Variants in SEPTIN9 observed in about 807,000 individuals in gnomAD.
The protein encoded by SEPTIN9 is septin 9.
Under a neutral mutation model 56.6 loss-of-function variants are expected in SEPTIN9, and 13 were observed. That is an observed-to-expected ratio of 0.23 (90% confidence interval 0.15 to 0.37). The LOEUF (loss-of-function observed/expected upper bound fraction) is 0.37. SEPTIN9 is among the 10% of genes least tolerant of loss of function. The pLI, the probability that SEPTIN9 is intolerant of heterozygous loss-of-function variation, is 1.00. For missense variants in SEPTIN9, 650 were observed against 823.1 expected (o/e 0.79, Z 2.57); for synonymous variants, 332 against 334.1 (o/e 0.99, Z 0.07).
chr17:77,343,059 C>A (rs2033789707), intron 2 of SEPTIN9, among the ~76,000 whole-genome samples: 1 of 143,646 alleles, frequency 7.0e-6, no homozygotes, highest in Non-Finnish European at 1.5e-5. Context: ...TGTCCCCCAA[C>A]TTTGTTTGGC....
chr17:77,304,577 A>G (rs2143581462), intron 1 of SEPTIN9, among the ~76,000 whole-genome samples: 1 of 152,118 alleles, frequency 6.6e-6, no homozygotes, highest in East Asian at 1.9e-4. Flanking sequence ...GGAGGAGGAT[A>G]GGGCAGCCTT....
Position 77,498,604 on chromosome 17 carries a change from C to T in SEPTIN9, c.1707C>T (p.Ser569=), listed in dbSNP as rs1598484143. The T allele has an allele frequency of 6.2e-7, 1 of 1,610,086 alleles. No homozygotes were observed. Reference sequence around the variant, plus strand: ...GTGTGAAGCGCCTCAACGAGGGCAGCAGCGCCATGGCCAACGGCATGGAGG... The same window carrying T: ...GTGTGAAGCGCCTCAACGAGGGCAGTAGCGCCATGGCCAACGGCATGGAGG... ...AYRVKRLNEG[S]SAMANGMEEK... The change falls in exon 12 of 12, where the codon AGC becomes AGT. Residue 569 remains serine (S), a synonymous_variant. Coordinates refer to ENST00000427177, the MANE Select transcript of SEPTIN9 (RefSeq NM_001113491.2).
At position 77,326,647 on chromosome 17, in the gene SEPTIN9, C is replaced by T. The variant is rs994947138; in HGVS notation, c.76+19450C>T. On this transcript the variant is annotated intron_variant, in intron 2 of 11. Coordinates refer to ENST00000427177, the MANE Select transcript of SEPTIN9 (RefSeq NM_001113491.2). The surrounding 1 kb of genome is among the most constrained non-coding windows in gnomAD (Gnocchi z 5.1). ...CTTGGTTTTCATCTCCATTTCCTGGCACACAACTCCTAAAATCCTTGGAAT... is the reference window on the plus strand; with the variant it reads ...CTTGGTTTTCATCTCCATTTCCTGGTACACAACTCCTAAAATCCTTGGAAT... 3.3e-5 allele frequency among the ~76,000 whole-genome samples: 5 copies of T among 152,184 alleles called. No individual in the cohort carries two copies. The highest frequency in any genetic ancestry group is 9.7e-5 in the African/African-American group (4 of 41,430).
At chr17:77,459,428 G>C (rs2038360432) in intron 3 of SEPTIN9, among the ~76,000 whole-genome samples, 1 of 152,238 alleles carries the variant, frequency 6.6e-6, no homozygotes, top group South Asian at 2.1e-4. Flanking sequence ...TAAGACCCGG[G>C]CCCGGTCTGT....
In SEPTIN9 at chr17:77,492,515, AC is replaced by A; in HGVS notation, c.1381-103del. 1 of 1,012,744 alleles carries A rather than the reference AC, an allele frequency of 9.9e-7. No homozygotes were observed. Among genetic ancestry groups the A allele is most frequent in the South Asian group, 1.3e-5 (1 of 78,728 alleles). The allele number at this position is 1,012,744 out of a possible 1,614,324, so 62.7% of individuals were successfully genotyped here. On this transcript the variant is annotated intron_variant, in intron 8 of 11. Coordinates refer to ENST00000427177, the MANE Select transcript of SEPTIN9 (RefSeq NM_001113491.2). The surrounding 1 kb of genome is among the most constrained non-coding windows in gnomAD (Gnocchi z 5.4). ...ACAGCCCCCCAGAGCCTGCCCTTGAACCCGAGCCTGGGGCAGCACACAGTGT... is the reference window on the plus strand; with the variant it reads ...ACAGCCCCCCAGAGCCTGCCCTTGAACCGAGCCTGGGGCAGCACACAGTGT...
At chr17:77,391,478 G>T (rs2035538177) in intron 2 of SEPTIN9, among the ~76,000 whole-genome samples, 1 of 152,082 alleles carries the variant, frequency 6.6e-6, no homozygotes, top group African/African-American at 2.4e-5. Context: ...CTCCTTTTCT[G>T]TCTTTTATAA....
chr17:77,395,687 AGT>A (rs1465877654), intron 2 of SEPTIN9, among the ~76,000 whole-genome samples: 1 of 152,048 alleles, frequency 6.6e-6, no homozygotes. Flanking sequence ...CCCGGGTGTG[AGT>A]GTGTGTGTGC....
chr17:77,303,748 T>G (rs556262745), intron 1 of SEPTIN9, among the ~76,000 whole-genome samples: 7 of 152,126 alleles, frequency 4.6e-5, no homozygotes, highest in Admixed American at 2.0e-4. Flanking sequence ...TGCCAGGCAC[T>G]GTGCTAGTAC....
intron 1 of SEPTIN9, among the ~76,000 whole-genome samples, chr17:77,291,854 G>T (rs1026967269): frequency 6.6e-6 from 1 of 152,238 alleles, no homozygotes; most frequent in African/African-American, 2.4e-5. Flanking sequence ...GATTGCGCAT[G>T]ATGAGTCCCT....
In SEPTIN9 at chr17:77,429,616, G is replaced by GT. The variant is rs1222431597; in HGVS notation, c.721+26914dup. On this transcript the variant is annotated intron_variant, in intron 3 of 11. Transcript: ENST00000427177. The surrounding 1 kb of genome is among the most constrained non-coding windows in gnomAD (Gnocchi z 5.2). ...CTTCCTGGAGGAAGAAGGGCTTAGG[G>GT]TGCTGGTGTGGAGTTTGCACAGATG... Among the ~76,000 whole-genome samples, 1 of 152,208 alleles carries GT rather than the reference G, an allele frequency of 6.6e-6. No individual in the cohort carries two copies.
intron 1 of SEPTIN9, among the ~76,000 whole-genome samples, chr17:77,284,779 G>A (rs2143480641): frequency 6.6e-6 from 1 of 152,246 alleles, no homozygotes; most frequent in South Asian, 2.1e-4. Context: ...GTAGGAACGT[G>A]CCACTGCGCC....
At chr17:77,474,582 G>A (rs2143091956) in intron 3 of SEPTIN9, among the ~76,000 whole-genome samples, 1 of 152,264 alleles carries the variant, frequency 6.6e-6, no homozygotes, top group East Asian at 1.9e-4. Context: ...TCAGTGCTGA[G>A]CTGCCTGCAC....
At chr17:77,377,665 G>T (rs1317944041) in intron 2 of SEPTIN9, among the ~76,000 whole-genome samples, 1 of 152,184 alleles carries the variant, frequency 6.6e-6, no homozygotes, top group African/African-American at 2.4e-5. Flanking sequence ...GGACCATGTG[G>T]ATATGCCTTC....
intron 3 of SEPTIN9, among the ~76,000 whole-genome samples, chr17:77,422,591 C>T (rs1418591346): frequency 7.2e-5 from 11 of 152,182 alleles, no homozygotes; most frequent in African/African-American, 2.2e-4. Context: ...CTGCAGGTCC[C>T]GCTTTCCCCA....
intron 2 of SEPTIN9, among the ~76,000 whole-genome samples, chr17:77,307,586 C>T (rs953717459): frequency 5.3e-5 from 8 of 152,056 alleles, no homozygotes; most frequent in African/African-American, 1.9e-4. Context: ...TATCTGTGGG[C>T]TCCCTGCAAC....
chr17:77,408,663 G>A (rs531488532), intron 3 of SEPTIN9, among the ~76,000 whole-genome samples: 2 of 143,210 alleles, frequency 1.4e-5, no homozygotes, highest in East Asian at 4.2e-4. Flanking sequence ...TCAGAGCTGA[G>A]CCTGAGTGGG....
intron 3 of SEPTIN9, among the ~76,000 whole-genome samples, chr17:77,428,602 C>T (rs113341324): frequency 0.018 from 2,755 of 152,316 alleles, 82 homozygotes; most frequent in African/African-American, 0.062. Flanking sequence ...GGCTGTGCGG[C>T]GGCATCCTCA....
intron 3 of SEPTIN9, among the ~76,000 whole-genome samples, chr17:77,469,971 TCATC>T (rs2038911783): frequency 7.9e-6 from 1 of 126,658 alleles, no homozygotes; most frequent in African/African-American, 3.1e-5. Flanking sequence ...ACCCATCCAC[TCATC>T]CACCCATCCA....
intron 1 of SEPTIN9, chr17:77,281,776 G>T (rs2031035474): frequency 2.0e-6 from 1 of 508,418 alleles, no homozygotes; most frequent in African/African-American, 2.0e-5. Flanking sequence ...CTCGAGTGTC[G>T]GAGGGGCTGC....
Sources: gnomAD v4.1 joint callset for allele counts (sites outside exome capture counted in the v4.1 genomes callset) on GRCh38, gnomAD v4.1.1 for gene constraint, Gnocchi (gnomAD v3.1) non-coding constraint, MANE v1.5 for transcripts, NCBI Gene and HGNC (gene_info 2026-07-23, HGNC 2026-07-21) for gene names.